Variants in SDK2 observed in about 807,000 individuals in gnomAD.
SDK2 encodes protein sidekick-2.
In SDK2, 105 loss-of-function variants were observed where a neutral mutation model predicts 253.9. The ratio of observed to expected loss-of-function variants is 0.41; its 90% CI spans 0.35 to 0.49. SDK2 has a LOEUF of 0.49. Among genes scored for constraint, SDK2 ranks in the 20% least tolerant of loss-of-function variants. The pLI is 0.06. For missense variants in SDK2, 2,608 were observed against 3,003.0 expected (o/e 0.87, Z 3.07); for synonymous variants, 1,249 against 1,234.9 (o/e 1.01, Z -0.24).
chr17:73,515,151 A>G (rs2064015225), intron 1 of SDK2, among the ~76,000 whole-genome samples: 1 of 152,214 alleles, frequency 6.6e-6, no homozygotes, highest in Non-Finnish European at 1.5e-5. Context: ...GGAGAAAACC[A>G]ACGCTCAGAA....
intron 1 of SDK2, among the ~76,000 whole-genome samples, chr17:73,591,348 A>G (rs528108656): frequency 6.6e-6 from 1 of 152,218 alleles, no homozygotes; most frequent in Non-Finnish European, 1.5e-5. Context: ...AGCTTCTCGA[A>G]CCTGGTGCCT....
chr17:73,348,605 G>C lies in SDK2; in HGVS notation c.6159C>G (p.Asp2053Glu). Residue 2053 changes from aspartate to glutamate, a missense_variant, in exon 44 of 45, where the codon GAC (aspartate) becomes GAG (glutamate). By Grantham distance (45) the Asp-to-Glu change is conservative. Around this residue, in one of 2 missense-constraint regions of SDK2, gnomAD observed 1,103 missense variants for 1,143.9 expected, o/e 0.96. Transcript: ENST00000392650. The part of the protein sequence containing the change: ...SLTEKPSEIS[D>E]SQGSDSEYEV... Reference sequence around the variant, plus strand: ...CTGGCCCTCCTGCCCTCACCTGAGAGTCGGAGATTTCTGAGGGCTTCTCCG... The same window carrying C: ...CTGGCCCTCCTGCCCTCACCTGAGACTCGGAGATTTCTGAGGGCTTCTCCG... 1 of 1,612,672 alleles carries C rather than the reference G, an allele frequency of 6.2e-7. No individual in the cohort carries two copies. Among genetic ancestry groups the C allele is most frequent in the South Asian group, 1.1e-5 (1 of 90,964 alleles).
At chr17:73,378,860 G>A (rs1252244770) in intron 36 of SDK2, among the ~76,000 whole-genome samples, 2 of 152,184 alleles carry the variant, frequency 1.3e-5, no homozygotes, top group African/African-American at 2.4e-5. Flanking sequence ...GTTGGGGGCT[G>A]GTGGGGAGGG....
At chr17:73,559,483 C>T (rs187381998) in intron 1 of SDK2, among the ~76,000 whole-genome samples, 37 of 152,226 alleles carry the variant, frequency 2.4e-4, no homozygotes, top group Admixed American at 7.8e-4. Context: ...TCTCTGCCAA[C>T]GTGGAGAATG....
chr17:73,374,756 C>T (rs1012487682), intron 36 of SDK2, among the ~76,000 whole-genome samples: 3 of 152,162 alleles, frequency 2.0e-5, no homozygotes, highest in Non-Finnish European at 4.4e-5. Context: ...GTGTGAGCCA[C>T]TGTGCCCAGC....
chr17:73,395,283 C>T lies in SDK2; in HGVS notation c.3464G>A (p.Arg1155His), dbSNP rs919894226. ...CTCGATGGTGTAGTCCCGCTCCACA[C>T]GGTCCTGCACCACGTGGCTCAGCGT... is the stretch of plus-strand genomic sequence containing the variant. ...GKTLSHVVQD[R>H]VERDYTIEDL... is the part of the protein sequence containing the mutation. Residue 1155 changes from arginine to histidine, a missense_variant, in exon 25 of 45, where the codon CGT (arginine) becomes CAT (histidine). By Grantham distance (29) the Arg-to-His change is conservative. Coordinates refer to ENST00000392650, the MANE Select transcript of SDK2 (RefSeq NM_001144952.2). This position sits in a 1 kb window ranked among gnomAD's most constrained non-coding sequence, Gnocchi z 4.3. 19 of 1,613,854 alleles carry T rather than the reference C, an allele frequency of 1.2e-5. No individual in the cohort carries two copies. Among genetic ancestry groups the T allele is most frequent in the Admixed American group, 1.7e-5 (1 of 60,006 alleles).
intron 36 of SDK2, among the ~76,000 whole-genome samples, chr17:73,377,704 C>T (rs1480601001): frequency 1.3e-5 from 2 of 151,436 alleles, no homozygotes; most frequent in African/African-American, 2.4e-5. Flanking sequence ...CCTCCCTCTC[C>T]CAAGTTCAAG....
chr17:73,433,054 T>C (rs2063340300), intron 10 of SDK2, among the ~76,000 whole-genome samples: 1 of 152,098 alleles, frequency 6.6e-6, no homozygotes, highest in African/African-American at 2.4e-5. Context: ...ATAATATTCA[T>C]CATCAAGCAC....
At chr17:73,368,074 G>A (rs2062700671) in intron 37 of SDK2, among the ~76,000 whole-genome samples, 1 of 152,224 alleles carries the variant, frequency 6.6e-6, no homozygotes, top group African/African-American at 2.4e-5. Flanking sequence ...GAGACAGAGG[G>A]AAGGCAGGTG....
intron 20 of SDK2, 125 bp from the exon 21 acceptor site, chr17:73,401,336 G>C: frequency 1.1e-6 from 1 of 897,214 alleles, no homozygotes; most frequent in Non-Finnish European, 1.7e-6. Flanking sequence ...ATGGGGCCAA[G>C]GGAGGTGGGA....
intron 4 of SDK2, among the ~76,000 whole-genome samples, chr17:73,452,664 C>T (rs1378401486): frequency 6.6e-6 from 1 of 152,190 alleles, no homozygotes; most frequent in Non-Finnish European, 1.5e-5. Context: ...CAGGAAAGTG[C>T]CAGCACACCC....
intron 26 of SDK2, 131 bp from the exon 27 acceptor site, chr17:73,393,880 A>AGT: frequency 1.5e-6 from 1 of 684,366 alleles, no homozygotes; most frequent in Non-Finnish European, 2.3e-6. Context: ...GGGCTGGACC[A>AGT]TGTGGCTAGG....
intron 40 of SDK2, 85 bp downstream of exon 40, chr17:73,357,992 GAC>G (rs1452609157): frequency 6.3e-7 from 1 of 1,586,366 alleles, no homozygotes; most frequent in African/African-American, 1.3e-5. Context: ...TCAGGCGGAG[GAC>G]AGAGGCAAGT....
chr17:73,391,149 C>G (rs1412890092), intron 28 of SDK2, among the ~76,000 whole-genome samples: 2 of 152,258 alleles, frequency 1.3e-5, no homozygotes, highest in Non-Finnish European at 2.9e-5. Context: ...TGCTAAGGAA[C>G]AGCGTCCGAG....
At position 73,337,330 on chromosome 17, in the gene SDK2, C is replaced by T. The variant is rs991157482; in HGVS notation, c.*1257G>A. The T allele has an allele frequency of 6.6e-6, 1 of 152,486 alleles. No homozygotes were observed. Among genetic ancestry groups the T allele is most frequent in the Admixed American group, 6.5e-5 (1 of 15,304 alleles). The allele number at this position is 152,486 out of a possible 1,614,324, so 9.4% of individuals were successfully genotyped here. ...AACTCTGGGTATTCCAGCCTCTGGACCAGGGACTTGGGCCACCCCTCTGGG... is the reference window on the plus strand; with the variant it reads ...AACTCTGGGTATTCCAGCCTCTGGATCAGGGACTTGGGCCACCCCTCTGGG... On this transcript the variant is annotated 3_prime_UTR_variant, in exon 45 of 45. Coordinates refer to ENST00000392650, the MANE Select transcript of SDK2 (RefSeq NM_001144952.2).
rs1205432556 is a variant in SDK2 at position 73,335,484 on chromosome 17, A to T, written c.*3103T>A. 2 of 152,262 alleles carry T rather than the reference A, an allele frequency of 1.3e-5. No individual in the cohort carries two copies. The highest frequency in any genetic ancestry group is 2.9e-5 in the Non-Finnish European group (2 of 68,056). 9.4% of individuals were successfully genotyped at this position (152,262 alleles called of 1,614,324 possible). The stretch of plus-strand genomic sequence containing the variant: ...CCCACCACCCCTTTCTAATGTGGCC[A>T]GGTTTCTGGGAGGACGGTTGGGAGC... On this transcript the variant is annotated 3_prime_UTR_variant, in exon 45 of 45. Transcript: ENST00000392650.
intron 2 of SDK2, among the ~76,000 whole-genome samples, chr17:73,476,883 G>A (rs2063690015): frequency 6.6e-6 from 1 of 152,094 alleles, no homozygotes; most frequent in African/African-American, 2.4e-5. Flanking sequence ...CTCTGCGATC[G>A]AGGGCAGGTA....
intron 1 of SDK2, among the ~76,000 whole-genome samples, chr17:73,555,973 G>A (rs1323859120): frequency 2.0e-5 from 3 of 152,198 alleles, no homozygotes; most frequent in South Asian, 2.1e-4. Flanking sequence ...GAGACAGGCA[G>A]TGGATGCACA....
chr17:73,542,205 C>T (rs1256814600), intron 1 of SDK2, among the ~76,000 whole-genome samples: 1 of 152,234 alleles, frequency 6.6e-6, no homozygotes, highest in Non-Finnish European at 1.5e-5. Flanking sequence ...ACCCTCCACG[C>T]TTCCCATCCC....
Sources: allele counts gnomAD v4.1 joint callset (sites outside exome capture counted in the v4.1 genomes callset), GRCh38; gene constraint gnomAD v4.1.1; regional missense constraint gnomAD v4.1.1; non-coding constraint Gnocchi (gnomAD v3.1); transcripts MANE v1.5; gene names NCBI Gene and HGNC (gene_info 2026-07-23, HGNC 2026-07-21).